GSK3B: variants seen among roughly 807,000 people sequenced by gnomAD.
GSK3B encodes the protein glycogen synthase kinase 3 beta.
Under a neutral mutation model 56.4 loss-of-function variants are expected in GSK3B, and 15 were observed. The observed-to-expected ratio is 0.27, with a 90% CI of 0.18 to 0.41. GSK3B has a LOEUF of 0.41. GSK3B is among the 10% of genes least tolerant of loss of function. The pLI is 1.00. For synonymous variants in GSK3B, 181 were observed against 188.9 expected, an observed-to-expected ratio of 0.96 and a Z score of 0.34; for missense variants, 300 against 513.4, an observed-to-expected ratio of 0.58 and a Z score of 4.02.
intron 3 of GSK3B, among the ~76,000 whole-genome samples, chr3:119,925,906 C>T (rs1173556721): frequency 6.6e-6 from 1 of 152,156 alleles, no homozygotes; most frequent in African/African-American, 2.4e-5. Context: ...CATCATGTTA[C>T]CCTTCTCATC....
chr3:120,080,577 T>A (rs1299785542), intron 1 of GSK3B, among the ~76,000 whole-genome samples: 3 of 152,076 alleles, frequency 2.0e-5, no homozygotes, highest in Non-Finnish European at 4.4e-5. Flanking sequence ...ATGCCTGTAA[T>A]CCCAGCACCT....
At chr3:119,911,026 G>A (rs1269133076) in intron 6 of GSK3B, among the ~76,000 whole-genome samples, 1 of 152,128 alleles carries the variant, frequency 6.6e-6, no homozygotes, top group Non-Finnish European at 1.5e-5. Flanking sequence ...ATGCCTCAAG[G>A]TCACCCATGA....
intron 3 of GSK3B, among the ~76,000 whole-genome samples, chr3:119,941,078 C>T (rs1336384938): frequency 2.7e-5 from 4 of 148,286 alleles, no homozygotes; most frequent in East Asian, 2.0e-4. Flanking sequence ...TGCAATGGCT[C>T]GATCTCGGCT....
intron 7 of GSK3B, among the ~76,000 whole-genome samples, chr3:119,896,317 T>C (rs572932486): frequency 2.0e-5 from 3 of 152,238 alleles, no homozygotes; most frequent in African/African-American, 7.2e-5. Context: ...TACATATTCA[T>C]AGGAGTCAAA....
intron 1 of GSK3B, among the ~76,000 whole-genome samples, chr3:120,088,442 A>T (rs1379536038): frequency 6.6e-6 from 1 of 152,196 alleles, no homozygotes; most frequent in Non-Finnish European, 1.5e-5. Flanking sequence ...TTTTTATATA[A>T]ATATACATTT....
At chr3:119,952,299 C>T (rs1202062287) in intron 2 of GSK3B, among the ~76,000 whole-genome samples, 1 of 151,820 alleles carries the variant, frequency 6.6e-6, no homozygotes, top group Admixed American at 6.6e-5. Flanking sequence ...ACCAGCCTGG[C>T]CAACATGGTG....
intron 1 of GSK3B, among the ~76,000 whole-genome samples, chr3:120,069,681 G>T (rs1376304284): frequency 1.4e-5 from 2 of 140,802 alleles, no homozygotes; most frequent in Non-Finnish European, 3.0e-5. Flanking sequence ...AAAAAAAAAT[G>T]CAGTCTAAAA....
chr3:119,829,292 C>G (rs1033688542), intron 10 of GSK3B, among the ~76,000 whole-genome samples: 3 of 152,124 alleles, frequency 2.0e-5, no homozygotes, highest in Non-Finnish European at 2.9e-5. Flanking sequence ...TGGAACACCA[C>G]AAACCCATGC....
At chr3:119,853,902 T>G (rs2055977463) in intron 9 of GSK3B, among the ~76,000 whole-genome samples, 1 of 152,156 alleles carries the variant, frequency 6.6e-6, no homozygotes, top group African/African-American at 2.4e-5. Flanking sequence ...CCTAATTCTT[T>G]TCCTTTATTT....
At chr3:120,076,642 C>T (rs907122949) in intron 1 of GSK3B, among the ~76,000 whole-genome samples, 23 of 151,228 alleles carry the variant, frequency 1.5e-4, no homozygotes, top group Admixed American at 4.6e-4. Context: ...GGTGAAACCC[C>T]GTCTCTACTA....
intron 2 of GSK3B, among the ~76,000 whole-genome samples, chr3:119,980,176 T>C (rs2107449589): frequency 6.6e-6 from 1 of 152,306 alleles, no homozygotes; most frequent in Non-Finnish European, 1.5e-5. Flanking sequence ...GACCTTAATC[T>C]TTAAATCTTA....
chr3:119,967,949 G>A (rs549503600), intron 2 of GSK3B, among the ~76,000 whole-genome samples: 6 of 151,634 alleles, frequency 4.0e-5, no homozygotes, highest in African/African-American at 1.2e-4. Context: ...TCTGCCTCCC[G>A]GATTCAAGCA....
At chr3:120,063,825 C>A (rs1411333890) in intron 1 of GSK3B, among the ~76,000 whole-genome samples, 2 of 150,032 alleles carry the variant, frequency 1.3e-5, no homozygotes, top group Non-Finnish European at 3.0e-5. Flanking sequence ...CCACCTCTAC[C>A]AAAAATACAA....
At chr3:119,919,323 G>A (rs1378929088) in intron 4 of GSK3B, among the ~76,000 whole-genome samples, 2 of 151,866 alleles carry the variant, frequency 1.3e-5, no homozygotes, top group Non-Finnish European at 1.5e-5. Flanking sequence ...CTTTTATATC[G>A]CTCTCACAAT....
rs1299327358 is a variant in GSK3B at position 120,067,962 on chromosome 3, TG to T, written c.88+25384del. ...CAGAAATGTGAATACTGACTGGATC[TG>T]ATGTTACAGAATTCTTTAATTTTTA... is the stretch of plus-strand genomic sequence containing the variant. On this transcript the variant is annotated intron_variant, in intron 1 of 10. Coordinates refer to ENST00000264235, the MANE Select transcript of GSK3B (RefSeq NM_001146156.2). Among the ~76,000 whole-genome samples the T allele has an allele frequency of 5.9e-5, 9 of 152,358 alleles. 1 individual carries two copies. In the South Asian group the frequency reaches 1.0e-3, roughly 18 times the overall value.
chr3:119,877,012 C>G (rs1262756647), intron 7 of GSK3B, among the ~76,000 whole-genome samples: 4 of 152,032 alleles, frequency 2.6e-5, no homozygotes, highest in Non-Finnish European at 4.4e-5. Context: ...TATAGTAGCA[C>G]AAAACAGACA....
At chr3:119,974,114 C>T (rs558293144) in intron 2 of GSK3B, among the ~76,000 whole-genome samples, 1 of 152,244 alleles carries the variant, frequency 6.6e-6, no homozygotes, top group East Asian at 1.9e-4. Context: ...GTAAGTTGAA[C>T]TTCGTTAAAA....
At chr3:119,947,126 T>C (rs2057108340) in intron 3 of GSK3B, 142 bp downstream of exon 3, 1 of 599,140 alleles carries the variant, frequency 1.7e-6, no homozygotes, top group South Asian at 2.2e-5. Flanking sequence ...TGACCATACC[T>C]TGGGCTGAGT....
At chr3:119,859,183 AT>A (rs2056065634) in intron 9 of GSK3B, among the ~76,000 whole-genome samples, 2 of 84,044 alleles carry the variant, frequency 2.4e-5, no homozygotes, top group African/African-American at 9.8e-5. Flanking sequence ...ATTTGTGTAT[AT>A]AAAAAAAAAA....
Sources: allele counts gnomAD v4.1 joint callset (sites outside exome capture counted in the v4.1 genomes callset), GRCh38; gene constraint gnomAD v4.1.1; transcripts MANE v1.5; gene names NCBI Gene and HGNC (gene_info 2026-07-23, HGNC 2026-07-21).